The following BCAS1 variants were observed in gnomAD, a reference collection of about 807,000 sequenced individuals.
BCAS1 encodes brain enriched myelin associated protein 1, also known as breast carcinoma-amplified sequence 1.
Under a neutral mutation model 65.4 loss-of-function variants are expected in BCAS1, and 46 were observed. That is an observed-to-expected ratio of 0.70 (90% CI 0.55 to 0.90). The LOEUF (loss-of-function observed/expected upper bound fraction) is 0.90, where lower values mean the gene tolerates loss of function less well. Ranked by LOEUF, BCAS1 falls within the 40% of genes least tolerant of loss-of-function variation. BCAS1 has a pLI of 0.00. For synonymous variants in BCAS1, 298 were observed against 293.5 expected, an observed-to-expected ratio of 1.02 and a Z score of -0.16; for missense variants, 793 against 771.2, an observed-to-expected ratio of 1.03 and a Z score of -0.33.
At chr20:54,065,113 C>CT (rs145556308) in intron 1 of BCAS1, among the ~76,000 whole-genome samples, 17 of 144,174 alleles carry the variant, frequency 1.2e-4, no homozygotes, top group African/African-American at 4.2e-4. Context: ...ATCTATCTAT[C>CT]ATCTATCTAT....
intron 11 of BCAS1, among the ~76,000 whole-genome samples, chr20:53,956,298 G>T (rs572130369): frequency 1.8e-3 from 268 of 152,290 alleles, no homozygotes; most frequent in Non-Finnish European, 3.0e-3. Context: ...TCTCTCTGCC[G>T]TGTAAGGACA....
chr20:53,985,219 C>T (rs2090581914), intron 8 of BCAS1, 68 bp downstream of exon 8: 3 of 1,443,080 alleles, frequency 2.1e-6, no homozygotes, highest in Admixed American at 1.7e-5. Flanking sequence ...AACAGTTAGC[C>T]CAATAGAAAT....
In BCAS1 at chr20:53,975,390, TTC is replaced by T; in HGVS notation, c.1314_1315del (p.Asn439CysfsTer4). 6.2e-7 allele frequency: 1 copy of T among 1,611,880 alleles called. No homozygotes were observed. Among genetic ancestry groups the T allele is most frequent in the Non-Finnish European group, 8.5e-7 (1 of 1,178,304 alleles). On this transcript the variant is annotated frameshift_variant and splice_region_variant, in exon 9 of 13. Coordinates refer to ENST00000688948, the MANE Select transcript of BCAS1 (RefSeq NM_001366298.2). LOFTEE classifies it high-confidence loss of function. ...TCTGCCGTGGTGTGTGTAACTTACATTCTCCTCCGCACCTGTGGGGACTGAGT... is the reference window on the plus strand; with the variant it reads ...TCTGCCGTGGTGTGTGTAACTTACATTCCTCCGCACCTGTGGGGACTGAGT...
At chr20:54,055,652 G>A (rs2092286623) in intron 3 of BCAS1, among the ~76,000 whole-genome samples, 2 of 151,994 alleles carry the variant, frequency 1.3e-5, no homozygotes, top group Admixed American at 6.6e-5. Flanking sequence ...TCCACTTCTG[G>A]GTATATCTAA....
At chr20:54,001,413 CACA>C (rs2091051452) in intron 4 of BCAS1, among the ~76,000 whole-genome samples, 1 of 152,170 alleles carries the variant, frequency 6.6e-6, no homozygotes, top group Non-Finnish European at 1.5e-5. Flanking sequence ...GCAAATTAGA[CACA>C]ACATTAGAAA....
At chr20:54,041,874 G>A (rs566389353) in intron 3 of BCAS1, among the ~76,000 whole-genome samples, 96 of 99,014 alleles carry the variant, frequency 9.7e-4, no homozygotes, top group Non-Finnish European at 1.1e-4. Context: ...ACTCTAACCT[G>A]GGCAACAGAG....
intron 3 of BCAS1, among the ~76,000 whole-genome samples, chr20:54,035,824 C>T (rs1309792603): frequency 6.6e-6 from 1 of 151,110 alleles, no homozygotes; most frequent in African/African-American, 2.4e-5. Flanking sequence ...CCAATGATAG[C>T]CTGGATAAAG....
Position 53,966,826 on chromosome 20 carries a change from C to T in BCAS1, c.1485+80G>A. 2.2e-6 allele frequency: 3 copies of T among 1,339,122 alleles called. No individual in the cohort carries two copies. The South Asian group carries it at 4.5e-5, about 20-fold the overall frequency. The allele number at this position is 1,339,122 out of a possible 1,614,324, so 83.0% of individuals were successfully genotyped here. On this transcript the variant is annotated intron_variant, in intron 10 of 12. Transcript: ENST00000688948. The stretch of plus-strand genomic sequence containing the variant: ...ACACCAGCTACAATTATGTCTCCTA[C>T]TACCTGTGGCATGAGCCCATTGTTC...
chr20:53,959,451 A>G (rs2089807016), intron 10 of BCAS1, among the ~76,000 whole-genome samples: 1 of 152,106 alleles, frequency 6.6e-6, no homozygotes, highest in Non-Finnish European at 1.5e-5. Context: ...ACAGGGTTTC[A>G]CCATGTTGGC....
At chr20:54,023,106 C>A (rs182011939) in intron 4 of BCAS1, among the ~76,000 whole-genome samples, 29 of 152,340 alleles carry the variant, frequency 1.9e-4, no homozygotes, top group Admixed American at 1.7e-3. Flanking sequence ...GTTAATAATT[C>A]ACTTGGCCTT....
chr20:54,035,887 G>A (rs746482064), intron 3 of BCAS1, among the ~76,000 whole-genome samples: 2 of 151,156 alleles, frequency 1.3e-5, no homozygotes, highest in Non-Finnish European at 3.0e-5. Context: ...AAAAGAACGA[G>A]ATCATGTCCT....
chr20:53,997,166 A>G (rs1473329131), intron 4 of BCAS1, among the ~76,000 whole-genome samples: 1 of 152,188 alleles, frequency 6.6e-6, no homozygotes, highest in Non-Finnish European at 1.5e-5. Context: ...TTTACTTCTC[A>G]GTCTTTGTGC....
chr20:54,006,244 TC>T (rs1468931239), intron 4 of BCAS1, among the ~76,000 whole-genome samples: 1 of 152,052 alleles, frequency 6.6e-6, no homozygotes, highest in Non-Finnish European at 1.5e-5. Flanking sequence ...TAGAGCCCTT[TC>T]CCCTTAACCC....
At chr20:54,024,218 T>C (rs545534254) in intron 4 of BCAS1, among the ~76,000 whole-genome samples, 4 of 152,338 alleles carry the variant, frequency 2.6e-5, no homozygotes, top group African/African-American at 9.6e-5. Flanking sequence ...ATGATGCTTA[T>C]GTTTAATTCA....
At chr20:53,956,753 C>T (rs1165251019) in intron 11 of BCAS1, among the ~76,000 whole-genome samples, 2 of 151,530 alleles carry the variant, frequency 1.3e-5, no homozygotes, top group African/African-American at 2.4e-5. Context: ...ATTGTCAAAA[C>T]TACTAGAAGA....
intron 3 of BCAS1, among the ~76,000 whole-genome samples, chr20:54,043,705 A>AC (rs1239084395): frequency 6.6e-6 from 1 of 151,946 alleles, no homozygotes; most frequent in African/African-American, 2.4e-5. Context: ...GCTGGGCCCC[A>AC]CCCCCAGGGA....
chr20:54,028,092 C>T (rs371935317), intron 4 of BCAS1, among the ~76,000 whole-genome samples: 2 of 152,190 alleles, frequency 1.3e-5, no homozygotes, highest in Non-Finnish European at 2.9e-5. Context: ...TGATCGTAAA[C>T]GCAACCTGTC....
At chr20:54,031,590 A>G (rs1001055751) in intron 3 of BCAS1, among the ~76,000 whole-genome samples, 1 of 151,372 alleles carries the variant, frequency 6.6e-6, no homozygotes, top group African/African-American at 2.4e-5. Flanking sequence ...TTGCAAACCA[A>G]TAGGAGGTAC....
chr20:54,035,758 T>C (rs1253547485), intron 3 of BCAS1, among the ~76,000 whole-genome samples: 1 of 151,334 alleles, frequency 6.6e-6, no homozygotes, highest in Non-Finnish European at 1.5e-5. Context: ...TGCATGTGTA[T>C]GTTCATTGCA....
Sources: allele counts gnomAD v4.1 joint callset (sites outside exome capture counted in the v4.1 genomes callset), GRCh38; gene constraint gnomAD v4.1.1; transcripts MANE v1.5; gene names NCBI Gene and HGNC (gene_info 2026-07-23, HGNC 2026-07-21).